Variants in GALNS observed in about 807,000 individuals in gnomAD.
GALNS encodes N-acetylgalactosamine-6-sulfatase.
Under a neutral mutation model 65.9 loss-of-function variants are expected in GALNS, and 65 were observed. The ratio of observed to expected loss-of-function variants is 0.99; its 90% CI spans 0.81 to 1.21. The LOEUF is 1.21. GALNS is among the 50% of genes most tolerant of loss of function. GALNS has a pLI of 0.00. For missense variants in GALNS, 776 were observed against 700.7 expected, an observed-to-expected ratio of 1.11 and a Z score of -1.21; for synonymous variants, 346 against 288.9, an observed-to-expected ratio of 1.20 and a Z score of -2.00.
Position 88,842,026 on chromosome 16 carries a change from C to T in GALNS, c.245-55G>A, listed in dbSNP as rs377453859. 168 of 1,496,192 alleles carry T rather than the reference C, an allele frequency of 1.1e-4. No homozygotes were observed. In the African/African-American group the frequency reaches 1.2e-3, roughly 11 times the overall value. The allele number at this position is 1,496,192 out of a possible 1,614,324, so 92.7% of individuals were successfully genotyped here. On this transcript the variant is annotated intron_variant, in intron 2 of 13. Coordinates refer to ENST00000268695, the MANE Select transcript of GALNS (RefSeq NM_000512.5). ...GATAAGAAGGGTGTGGCTCAGACCC[C>T]GGGCGTCAACAAGAGCCCCAACGAG...
chr16:88,822,925 G>A (rs189322865), intron 11 of GALNS, among the ~76,000 whole-genome samples: 1 of 152,288 alleles, frequency 6.6e-6, no homozygotes, highest in African/African-American at 2.4e-5. Flanking sequence ...CTGGCTAAAC[G>A]CTGAAGGACT....
intron 1 of GALNS, chr16:88,843,246 T>C: frequency 1.6e-6 from 2 of 1,281,510 alleles, no homozygotes; most frequent in South Asian, 1.2e-5. Context: ...TGTACACGTC[T>C]AGATTTCAAA....
chr16:88,841,866 A>C (rs774024851), intron 3 of GALNS, 31 bp downstream of exon 3: 1 of 1,599,056 alleles, frequency 6.3e-7, no homozygotes. Flanking sequence ...CTGCACCCCA[A>C]GGGTGTCCCT....
At chr16:88,830,905 TAGAC>T (rs1257082371) in intron 9 of GALNS, among the ~76,000 whole-genome samples, 1 of 152,298 alleles carries the variant, frequency 6.6e-6, no homozygotes, top group South Asian at 2.1e-4. Context: ...GATTCTGTAG[TAGAC>T]AGACAGGTTT....
At chr16:88,828,134 C>T (rs1015972652) in intron 9 of GALNS, among the ~76,000 whole-genome samples, 1 of 152,256 alleles carries the variant, frequency 6.6e-6, no homozygotes, top group African/African-American at 2.4e-5. Context: ...TGAGAAGCTT[C>T]CCCAGGTCTG....
chr16:88,852,472 C>G (rs958166836), intron 1 of GALNS, among the ~76,000 whole-genome samples: 1 of 152,234 alleles, frequency 6.6e-6, no homozygotes, highest in African/African-American at 2.4e-5. Context: ...CAGAGCACCT[C>G]TTCTCCTCCA....
chr16:88,820,214 C>G (rs916483077), intron 12 of GALNS, among the ~76,000 whole-genome samples: 9 of 152,116 alleles, frequency 5.9e-5, no homozygotes, highest in Non-Finnish European at 4.4e-5. Flanking sequence ...CTGCAACCTC[C>G]GCCTCCTGGG....
chr16:88,839,595 A>G (rs1966878359), intron 4 of GALNS, among the ~76,000 whole-genome samples: 1 of 152,192 alleles, frequency 6.6e-6, no homozygotes, highest in Non-Finnish European at 1.5e-5. Context: ...CATGGCTGAC[A>G]ACACCCCTAC....
At chr16:88,818,558 G>A (rs1909878996) in intron 12 of GALNS, among the ~76,000 whole-genome samples, 1 of 152,216 alleles carries the variant, frequency 6.6e-6, no homozygotes, top group African/African-American at 2.4e-5. Flanking sequence ...GAAATGGAGG[G>A]GAACGGCATC....
Position 88,842,036 on chromosome 16 carries a change from C to T in GALNS, c.245-65G>A, listed in dbSNP as rs112246973. 0.016 allele frequency: 21,918 copies of T among 1,410,602 alleles called. 2,697 individuals carry two copies. The African/African-American group carries it at 0.27, about 17-fold the overall frequency. 87.4% of individuals were successfully genotyped at this position (1,410,602 alleles called of 1,614,324 possible). Reference sequence around the variant, plus strand: ...GTGTGGCTCAGACCCCGGGCGTCAACAAGAGCCCCAACGAGTAGACAGACG... The same window carrying T: ...GTGTGGCTCAGACCCCGGGCGTCAATAAGAGCCCCAACGAGTAGACAGACG... On this transcript the variant is annotated intron_variant, in intron 2 of 13. Coordinates refer to ENST00000268695, the MANE Select transcript of GALNS (RefSeq NM_000512.5).
At chr16:88,832,729 G>C (rs1189987381) in intron 8 of GALNS, among the ~76,000 whole-genome samples, 2 of 152,158 alleles carry the variant, frequency 1.3e-5, no homozygotes. Flanking sequence ...GCCACTTGAG[G>C]CTCTCTCAGC....
chr16:88,832,149 G>T (rs1192392816), intron 8 of GALNS, 48 bp from the exon 9 acceptor site: 1 of 1,516,426 alleles, frequency 6.6e-7, no homozygotes, highest in East Asian at 2.3e-5. Flanking sequence ...GATGTCCCCA[G>T]GCCCTCCCCC....
At chr16:88,842,862 C>T (rs377299268) in intron 1 of GALNS, 33 bp from the exon 2 acceptor site, 22 of 1,610,048 alleles carry the variant, frequency 1.4e-5, no homozygotes, top group South Asian at 8.8e-5. Flanking sequence ...GAGGAATGAG[C>T]GCCTTCTGCA....
chr16:88,842,205 C>G, intron 2 of GALNS: 1 of 624,938 alleles, frequency 1.6e-6, no homozygotes, highest in South Asian at 1.8e-5. Flanking sequence ...AGCGTTGTCC[C>G]CAAGACCCCG....
At chr16:88,818,179 G>A in intron 12 of GALNS, 55 bp from the exon 13 acceptor site, 1 of 1,419,522 alleles carries the variant, frequency 7.0e-7, no homozygotes, top group Non-Finnish European at 9.7e-7. Context: ...AGGACGGAGA[G>A]GGGCTGGCCT....
intron 1 of GALNS, among the ~76,000 whole-genome samples, chr16:88,852,616 G>C (rs1441733440): frequency 6.6e-6 from 1 of 152,172 alleles, no homozygotes; most frequent in Non-Finnish European, 1.5e-5. Flanking sequence ...TGAATCCATG[G>C]TAAGGAAGCT....
rs748757044 is a variant in GALNS, at chr16:88,832,106, G to T, written c.899-5C>A. The stretch of plus-strand genomic sequence containing the variant: ...GAAAGGGGCCGTTGCTGCCACCTGG[G>T]AGAGAGGGGCCCTTGTCAGGCCACT... On this transcript the variant is annotated splice_region_variant and splice_polypyrimidine_tract_variant and intron_variant, in intron 8 of 13. Coordinates refer to ENST00000268695, the MANE Select transcript of GALNS (RefSeq NM_000512.5). 6.2e-7 allele frequency: 1 copy of T among 1,612,912 alleles called. No individual in the cohort carries two copies. The highest frequency in any genetic ancestry group is 8.5e-7 in the Non-Finnish European group (1 of 1,179,300).
Position 88,835,287 on chromosome 16 carries a change from A to T in GALNS, c.824T>A (p.Leu275Gln). 1 of 1,613,264 alleles carries T rather than the reference A, an allele frequency of 6.2e-7. No homozygotes were observed. Among genetic ancestry groups the T allele is most frequent in the Non-Finnish European group, 8.5e-7 (1 of 1,179,714 alleles). ...IGKILELLQD[L>Q]HVADNTFVFF... ...GACGAAGGTGTTGTCCGCGACGTGC[A>T]GGTCTTGGAGGAGCTCCAGTATCTT... Residue 275 changes from leucine to glutamine, a missense_variant, in exon 8 of 14, where the codon CTG becomes CAG. By Grantham distance (113) the Leu-to-Gln change is moderately radical. Coordinates refer to ENST00000268695, the MANE Select transcript of GALNS (RefSeq NM_000512.5).
chr16:88,816,859 T>C (rs1243320441), intron 13 of GALNS: 1 of 985,376 alleles, frequency 1.0e-6, no homozygotes, highest in Non-Finnish European at 1.2e-6. Context: ...GGGGCCTTCT[T>C]CCCGAATCCT....
Sources: allele counts gnomAD v4.1 joint callset (sites outside exome capture counted in the v4.1 genomes callset), GRCh38; gene constraint gnomAD v4.1.1; transcripts MANE v1.5; gene names NCBI Gene and HGNC (gene_info 2026-07-23, HGNC 2026-07-21).